ARHGEF28: variants seen among roughly 807,000 people sequenced by gnomAD.
ARHGEF28 encodes Rho guanine nucleotide exchange factor 28, also known as 190 kDa guanine nucleotide exchange factor.
A neutral mutation model predicts 206.6 loss-of-function variants in ARHGEF28; 152 were observed. The ratio of observed to expected loss-of-function variants is 0.74; its 90% CI spans 0.64 to 0.84. ARHGEF28 has a LOEUF of 0.84. Ranked by LOEUF, ARHGEF28 falls within the 40% of genes least tolerant of loss-of-function variation. The pLI is 0.00. For missense variants in ARHGEF28, 2,028 were observed against 2,073.2 expected, an observed-to-expected ratio of 0.98 and a Z score of 0.42; for synonymous variants, 763 against 776.4, an observed-to-expected ratio of 0.98 and a Z score of 0.29.
At chr5:73,839,932 G>A (rs546221289) in intron 10 of ARHGEF28, among the ~76,000 whole-genome samples, 1 of 152,248 alleles carries the variant, frequency 6.6e-6, no homozygotes, top group South Asian at 2.1e-4. Flanking sequence ...AAGCTGTATA[G>A]TCTTTAGTTT....
At chr5:73,793,524 C>A (rs1754609322) in intron 7 of ARHGEF28, among the ~76,000 whole-genome samples, 1 of 152,120 alleles carries the variant, frequency 6.6e-6, no homozygotes, top group Non-Finnish European at 1.5e-5. Flanking sequence ...GGCGTTTCCC[C>A]AGGATTAGCA....
intron 3 of ARHGEF28, among the ~76,000 whole-genome samples, chr5:73,751,251 A>C (rs1166493756): frequency 1.3e-5 from 2 of 152,128 alleles, no homozygotes; most frequent in Non-Finnish European, 2.9e-5. Flanking sequence ...CTCTATTACA[A>C]ATATAAAAAT....
Position 73,873,244 on chromosome 5 carries a change from C to T in ARHGEF28, c.2812C>T (p.Gln938Ter). The T allele has an allele frequency of 1.2e-6, 2 of 1,609,222 alleles. No individual in the cohort carries two copies. The highest frequency in any genetic ancestry group is 2.2e-5 in the East Asian group (1 of 44,754). ...IDRIGDILVQ[Q>*]FSEENASKMK... ...CCGAATTGGAGATATTTTGGTACAA[C>T]AGGTAAGAAGAGCTTAAAGTCCTTG... The change falls in exon 22 of 36, where the codon CAG becomes TAG. Residue 938 changes from glutamine to a stop codon, truncating the protein, a stop_gained and splice_region_variant. Transcript: ENST00000513042. LOFTEE classifies it high-confidence loss of function.
intron 35 of ARHGEF28, among the ~76,000 whole-genome samples, chr5:73,937,102 T>C (rs1764463620): frequency 6.6e-6 from 1 of 152,180 alleles, no homozygotes; most frequent in Non-Finnish European, 1.5e-5. Flanking sequence ...AAGGGCTAAA[T>C]ATTGGGAGAT....
intron 1 of ARHGEF28, among the ~76,000 whole-genome samples, chr5:73,673,573 T>G (rs745908255): frequency 1.6e-4 from 25 of 152,192 alleles, no homozygotes; most frequent in Non-Finnish European, 2.9e-4. Flanking sequence ...TGGCCCCAAT[T>G]ACCAGTTACT....
intron 4 of ARHGEF28, among the ~76,000 whole-genome samples, chr5:73,757,751 A>C (rs781674436): frequency 2.6e-5 from 4 of 152,206 alleles, no homozygotes; most frequent in Non-Finnish European, 2.9e-5. Flanking sequence ...TAAAATTAAG[A>C]CCATTCCTTT....
intron 3 of ARHGEF28, among the ~76,000 whole-genome samples, chr5:73,751,118 C>A (rs1338224096): frequency 1.3e-5 from 2 of 152,144 alleles, no homozygotes; most frequent in African/African-American, 2.4e-5. Context: ...ACAGTCAAAC[C>A]GAATTAATGG....
At chr5:73,912,241 T>A (rs1762949386) in intron 35 of ARHGEF28, among the ~76,000 whole-genome samples, 1 of 152,162 alleles carries the variant, frequency 6.6e-6, no homozygotes, top group Non-Finnish European at 1.5e-5. Context: ...CTGGGGGATA[T>A]GAGGTAGGGA....
At chr5:73,723,017 T>C (rs1191488121) in intron 2 of ARHGEF28, among the ~76,000 whole-genome samples, 2 of 152,214 alleles carry the variant, frequency 1.3e-5, no homozygotes, top group African/African-American at 2.4e-5. Flanking sequence ...TATGAAGATA[T>C]ATTTTAGTCC....
chr5:73,747,052 CTTA>C (rs1226865005), intron 2 of ARHGEF28, among the ~76,000 whole-genome samples: 1 of 152,044 alleles, frequency 6.6e-6, no homozygotes, highest in Non-Finnish European at 1.5e-5. Context: ...TAGCATGCTT[CTTA>C]TTTTTTCCAG....
In ARHGEF28 at chr5:73,887,688, A is replaced by G; in HGVS notation, c.3387+9A>G. 2 of 1,551,752 alleles carry G rather than the reference A, an allele frequency of 1.3e-6. No individual in the cohort carries two copies. The highest frequency in any genetic ancestry group is 1.2e-5 in the South Asian group (1 of 81,846). Reference sequence around the variant, plus strand: ...ACATCTTTGCAGCCGTTGTAAGTATATGACTGTGTGATGTATTTAAAAAAT... The same window carrying G: ...ACATCTTTGCAGCCGTTGTAAGTATGTGACTGTGTGATGTATTTAAAAAAT... On this transcript the variant is annotated intron_variant, in intron 26 of 35. Transcript: ENST00000513042.
intron 22 of ARHGEF28, among the ~76,000 whole-genome samples, chr5:73,879,176 C>T (rs892128381): frequency 2.6e-5 from 4 of 152,170 alleles, no homozygotes; most frequent in African/African-American, 9.7e-5. Context: ...TCATTCATTT[C>T]ATCTTCCATC....
chr5:73,912,872 A>G (rs888906826), intron 35 of ARHGEF28, among the ~76,000 whole-genome samples: 1 of 152,188 alleles, frequency 6.6e-6, no homozygotes, highest in Non-Finnish European at 1.5e-5. Flanking sequence ...ACAGTGCTTC[A>G]TGTGGTTTTG....
intron 2 of ARHGEF28, among the ~76,000 whole-genome samples, chr5:73,734,785 T>G (rs1750814504): frequency 6.6e-6 from 1 of 152,154 alleles, no homozygotes. Flanking sequence ...ATAAAAATAC[T>G]TCTGTTTTTT....
chr5:73,875,800 C>T (rs1760435538), intron 22 of ARHGEF28, among the ~76,000 whole-genome samples: 1 of 152,108 alleles, frequency 6.6e-6, no homozygotes, highest in Non-Finnish European at 1.5e-5. Flanking sequence ...GGTACCAGTA[C>T]CATGCTGTTT....
chr5:73,904,099 A>G (rs1469173893), intron 31 of ARHGEF28, 123 bp from the exon 32 acceptor site: 2 of 900,360 alleles, frequency 2.2e-6, no homozygotes, highest in Non-Finnish European at 3.5e-6. Context: ...GTCAGTATAG[A>G]TAAGGTAATC....
At chr5:73,640,190 T>C (rs1323979446) in intron 1 of ARHGEF28, among the ~76,000 whole-genome samples, 1 of 152,234 alleles carries the variant, frequency 6.6e-6, no homozygotes, top group Non-Finnish European at 1.5e-5. Flanking sequence ...GATTCTTCTC[T>C]GCTTTTCTCT....
Position 73,867,942 on chromosome 5 carries a change from G to T in ARHGEF28, c.2219G>T (p.Gly740Val), listed in dbSNP as rs1028810973. 1.2e-6 allele frequency: 2 copies of T among 1,613,974 alleles called. No individual in the cohort carries two copies. The highest frequency in any genetic ancestry group is 8.5e-7 in the Non-Finnish European group (1 of 1,179,880). ...CACCCTTCTTCCTCCGTGCCTGTTGGATTGCCGACTGGAAGGAGGGAGACT... is the reference window on the plus strand; with the variant it reads ...CACCCTTCTTCCTCCGTGCCTGTTGTATTGCCGACTGGAAGGAGGGAGACT... ...SLHPSSSVPV[G>V]LPTGRRETVG... Residue 740 changes from glycine (G) to valine (V), a missense_variant, in exon 19 of 36, where the codon GGA (glycine) becomes GTA (valine). This residue lies in a region of ARHGEF28 where 1,002 missense variants were observed against 1,015.3 expected (regional missense o/e 0.99). Coordinates refer to ENST00000513042, the MANE Select transcript of ARHGEF28 (RefSeq NM_001177693.2).
intron 9 of ARHGEF28, among the ~76,000 whole-genome samples, chr5:73,825,654 G>A (rs189798330): frequency 6.9e-4 from 105 of 152,310 alleles, no homozygotes; most frequent in African/African-American, 2.4e-3. Context: ...AACAGTTTAG[G>A]AAGAAGACCG....
Sources: allele counts gnomAD v4.1 joint callset (sites outside exome capture counted in the v4.1 genomes callset), GRCh38; gene constraint gnomAD v4.1.1; regional missense constraint gnomAD v4.1.1; transcripts MANE v1.5; gene names NCBI Gene and HGNC (gene_info 2026-07-23, HGNC 2026-07-21).